PLEKHH2: variants seen among roughly 807,000 people sequenced by gnomAD.
PLEKHH2 encodes the protein pleckstrin homology domain-containing family H member 2.
PLEKHH2 carries 129 observed loss-of-function variants against 187.9 expected under a neutral mutation model. The observed-to-expected ratio is 0.69, with a 90% confidence interval of 0.59 to 0.79. The LOEUF is 0.79. Among genes scored for constraint, PLEKHH2 ranks in the 30% least tolerant of loss-of-function variants. PLEKHH2 has a pLI of 0.00. For missense variants in PLEKHH2, 2,076 were observed against 1,751.2 expected, an observed-to-expected ratio of 1.19 and a Z score of -3.31; for synonymous variants, 686 against 605.6, an observed-to-expected ratio of 1.13 and a Z score of -1.95.
At chr2:43,750,669 A>G (rs1671974283) in intron 24 of PLEKHH2, among the ~76,000 whole-genome samples, 1 of 152,120 alleles carries the variant, frequency 6.6e-6, no homozygotes, top group South Asian at 2.1e-4. Flanking sequence ...TATTATTTCC[A>G]TCTCACAGAT....
chr2:43,688,614 A>G (rs182624259), intron 3 of PLEKHH2, among the ~76,000 whole-genome samples: 85 of 152,322 alleles, frequency 5.6e-4, no homozygotes, highest in African/African-American at 1.9e-3. Flanking sequence ...GGGATCCCCA[A>G]CAGTACTCTT....
intron 16 of PLEKHH2, among the ~76,000 whole-genome samples, chr2:43,725,713 C>CT (rs1398472930): frequency 6.6e-6 from 1 of 152,202 alleles, no homozygotes; most frequent in African/African-American, 2.4e-5. Flanking sequence ...AGTTAAATCT[C>CT]TAATATGTAT....
At chr2:43,734,647 C>T (rs901435534) in intron 19 of PLEKHH2, among the ~76,000 whole-genome samples, 8 of 152,148 alleles carry the variant, frequency 5.3e-5, no homozygotes, top group African/African-American at 1.2e-4. Flanking sequence ...CATACACCAT[C>T]GGTGGGAATG....
rs1553335100 is a variant in PLEKHH2 at position 43,678,759 on chromosome 2, G to GAGGTGGAGGTGGAGGTGGAGGTGC, written c.124-88_124-87insGGAGGTGCAGGTGGAGGTGGAGGT. ...GGAAGTGGAGGTGGAGGTGGAGGTGGAGGTGGAGGTGGAGGTAGAATTATG... is the reference window on the plus strand; with the variant it reads ...GGAAGTGGAGGTGGAGGTGGAGGTGGAGGTGGAGGTGGAGGTGGAGGTGCAGGTGGAGGTGGAGGTAGAATTATG... On this transcript the variant is annotated intron_variant, in intron 2 of 29. Coordinates refer to ENST00000282406, the MANE Select transcript of PLEKHH2 (RefSeq NM_172069.4). 5 of 678,620 alleles carry GAGGTGGAGGTGGAGGTGGAGGTGC rather than the reference G, an allele frequency of 7.4e-6. No homozygotes were observed. The South Asian group carries it at 7.6e-5, about 10-fold the overall frequency. 42.0% of individuals were successfully genotyped at this position (678,620 alleles called of 1,614,324 possible). A position where few individuals can be genotyped will look rare whatever the true frequency, so the allele number is the denominator to read the frequency against.
At chr2:43,646,895 A>T (rs1392236234) in intron 2 of PLEKHH2, among the ~76,000 whole-genome samples, 1 of 150,228 alleles carries the variant, frequency 6.7e-6, no homozygotes, top group African/African-American at 2.5e-5. Context: ...AATTATTCTG[A>T]TGTGTTTTAC....
intron 3 of PLEKHH2, among the ~76,000 whole-genome samples, chr2:43,688,874 C>G (rs1424748395): frequency 6.6e-6 from 1 of 152,152 alleles, no homozygotes; most frequent in Non-Finnish European, 1.5e-5. Flanking sequence ...TAAGCTTACT[C>G]AAGCCTTGGT....
Position 43,700,535 on chromosome 2 carries a change from A to G in PLEKHH2, c.1577A>G (p.Glu526Gly), listed in dbSNP as rs1669311161. The change falls in exon 8 of 30, where the codon GAA becomes GGA. Residue 526 changes from glutamate to glycine, a missense_variant. Physicochemically the swap from Glu to Gly is moderately conservative, Grantham distance 98. Transcript: ENST00000282406. ...SLDSPNSDDQ[E>G]HCDSAKKVAY... ...GACTCTCCAAATTCAGATGACCAGG[A>G]ACACTGTGACTCAGCAAAGAAGGTG... The G allele has an allele frequency of 1.9e-6, 3 of 1,613,914 alleles. No individual in the cohort carries two copies. The East Asian group carries it at 6.7e-5, about 36-fold the overall frequency.
At chr2:43,696,021 G>A (rs1010172206) in intron 6 of PLEKHH2, among the ~76,000 whole-genome samples, 13 of 152,128 alleles carry the variant, frequency 8.5e-5, no homozygotes, top group African/African-American at 2.2e-4. Context: ...GATCACCAGT[G>A]TTCTAATCCT....
chr2:43,644,590 A>T (rs1321562116), intron 1 of PLEKHH2, 81 bp from the exon 2 acceptor site: 1 of 1,169,996 alleles, frequency 8.5e-7, no homozygotes. Flanking sequence ...TAATTTAACA[A>T]ATTATCCTGA....
At chr2:43,746,153 C>G (rs1352913691) in intron 24 of PLEKHH2, among the ~76,000 whole-genome samples, 190 bp downstream of exon 24, 1 of 152,180 alleles carries the variant, frequency 6.6e-6, no homozygotes, top group Non-Finnish European at 1.5e-5. Context: ...ATTCTAGTCT[C>G]TTAATGTCAT....
In PLEKHH2 at chr2:43,681,629, A is replaced by C. The variant is rs531723487; in HGVS notation, c.186+2704A>C. 4.3e-5 allele frequency: 29 copies of C among 674,514 alleles called. No homozygotes were observed. In the East Asian group the frequency reaches 7.9e-4, roughly 18 times the overall value. 41.8% of individuals were successfully genotyped at this position (674,514 alleles called of 1,614,324 possible). On this transcript the variant is annotated intron_variant, in intron 3 of 29. Coordinates refer to ENST00000282406, the MANE Select transcript of PLEKHH2 (RefSeq NM_172069.4). The stretch of plus-strand genomic sequence containing the variant: ...CTGTACACGATATGACACAATATGC[A>C]TTTTTGTTCTCCTACCATAGTGACC...
In PLEKHH2 at chr2:43,700,152, A is replaced by G; in HGVS notation, c.1194A>G (p.Ser398=). Residue 398 remains serine, a synonymous_variant, in exon 8 of 30, where the codon TCA becomes TCG. Coordinates refer to ENST00000282406, the MANE Select transcript of PLEKHH2 (RefSeq NM_172069.4). The part of the protein sequence containing the change: ...KKFQSQRLDY[S]SSSSEANTPS... Reference sequence around the variant, plus strand: ...TTCAATCCCAGAGACTCGATTATTCATCTTCATCGAGTGAAGCCAACACCC... The same window carrying G: ...TTCAATCCCAGAGACTCGATTATTCGTCTTCATCGAGTGAAGCCAACACCC... 1 of 1,614,166 alleles carries G rather than the reference A, an allele frequency of 6.2e-7. No individual in the cohort carries two copies. Among genetic ancestry groups the G allele is most frequent in the Non-Finnish European group, 8.5e-7 (1 of 1,180,018 alleles).
chr2:43,704,970 A>G (rs769427005), intron 9 of PLEKHH2, among the ~76,000 whole-genome samples: 6 of 152,324 alleles, frequency 3.9e-5, no homozygotes, highest in Admixed American at 2.0e-4. Flanking sequence ...TCAGCTGTTT[A>G]AAATGGTAAA....
chr2:43,657,929 T>C (rs79991155), intron 2 of PLEKHH2, among the ~76,000 whole-genome samples: 1 of 152,332 alleles, frequency 6.6e-6, no homozygotes, highest in Non-Finnish European at 1.5e-5. Context: ...GTATCTACAA[T>C]TGTGCCTACA....
intron 2 of PLEKHH2, among the ~76,000 whole-genome samples, chr2:43,653,012 G>A (rs1044146239): frequency 1.3e-5 from 2 of 152,126 alleles, no homozygotes; most frequent in African/African-American, 4.8e-5. Flanking sequence ...TTCCTGGGAT[G>A]TAAAGCAAAA....
At chr2:43,667,893 T>TAA (rs200227030) in intron 2 of PLEKHH2, among the ~76,000 whole-genome samples, 1 of 151,052 alleles carries the variant, frequency 6.6e-6, no homozygotes, top group East Asian at 1.9e-4. Context: ...GTGAATATAG[T>TAA]AAAAAAAAAC....
chr2:43,666,110 G>A (rs1667188996), intron 2 of PLEKHH2, among the ~76,000 whole-genome samples: 1 of 149,722 alleles, frequency 6.7e-6, no homozygotes, highest in Non-Finnish European at 1.5e-5. Context: ...AGACTGCTGT[G>A]CTAGCAATCA....
intron 19 of PLEKHH2, among the ~76,000 whole-genome samples, chr2:43,736,403 C>T (rs929892311): frequency 1.3e-5 from 2 of 152,240 alleles, no homozygotes; most frequent in South Asian, 4.1e-4. Context: ...TAATGACATA[C>T]GCCCTGTGAT....
rs758860832 is a variant in PLEKHH2 at position 43,729,772 on chromosome 2, C to T, written c.2830+27C>T. 1.0e-5 allele frequency: 15 copies of T among 1,468,498 alleles called. No homozygotes were observed. In the East Asian group the frequency reaches 2.6e-4, roughly 26 times the overall value. 91.0% of individuals were successfully genotyped at this position (1,468,498 alleles called of 1,614,324 possible). A position where few individuals can be genotyped will look rare whatever the true frequency, so the allele number is the denominator to read the frequency against. ...TAAGTTCATAAACATATAAATAAAG[C>T]TTTATGGTTAATGAAATGGACCTCA... On this transcript the variant is annotated intron_variant, in intron 18 of 29. Transcript: ENST00000282406.
Sources: gnomAD v4.1 joint callset for allele counts (sites outside exome capture counted in the v4.1 genomes callset) on GRCh38, gnomAD v4.1.1 for gene constraint, MANE v1.5 for transcripts, NCBI Gene and HGNC (gene_info 2026-07-23, HGNC 2026-07-21) for gene names.